KAZN: variants seen among roughly 807,000 people sequenced by gnomAD.
The protein encoded by KAZN is kazrin, periplakin interacting protein.
In KAZN, 40 loss-of-function variants were observed where a neutral mutation model predicts 87.4. That is an observed-to-expected ratio of 0.46 (90% CI 0.36 to 0.60). The LOEUF is 0.60. Among genes scored for constraint, KAZN ranks in the 20% least tolerant of loss-of-function variants. The pLI is 0.00. For synonymous variants in KAZN, 466 were observed against 458.3 expected, an observed-to-expected ratio of 1.02 and a Z score of -0.22; for missense variants, 898 against 1,073.9, an observed-to-expected ratio of 0.84 and a Z score of 2.29.
chr1:13,907,928 C>T (rs1011006819), intron 1 of KAZN, among the ~76,000 whole-genome samples: 1 of 152,200 alleles, frequency 6.6e-6, no homozygotes, highest in Non-Finnish European at 1.5e-5. Context: ...TTGTCCTAAA[C>T]AAGAGCTGAT....
intron 1 of KAZN, among the ~76,000 whole-genome samples, chr1:14,673,242 C>T (rs1007959436): frequency 2.0e-5 from 3 of 152,228 alleles, no homozygotes; most frequent in African/African-American, 7.2e-5. Context: ...ACCAGCCCCC[C>T]TCTTCCAGTC....
At chr1:14,761,252 C>G (rs1451486268) in intron 1 of KAZN, among the ~76,000 whole-genome samples, 4 of 152,190 alleles carry the variant, frequency 2.6e-5, no homozygotes, top group African/African-American at 9.6e-5. Flanking sequence ...TTGCTGGCTC[C>G]TGCTCATCAC....
chr1:14,549,006 T>C (rs1673340327), intron 2 of KAZN, among the ~76,000 whole-genome samples: 1 of 152,260 alleles, frequency 6.6e-6, no homozygotes, highest in South Asian at 2.1e-4. Flanking sequence ...ACTTAGTTTA[T>C]TCCTAGACAC....
intron 2 of KAZN, among the ~76,000 whole-genome samples, chr1:14,434,977 T>A (rs1023918474): frequency 1.3e-5 from 2 of 152,172 alleles, no homozygotes; most frequent in South Asian, 4.2e-4. Flanking sequence ...GAGACGCAGG[T>A]GTGTACGAGG....
At chr1:14,217,521 A>T (rs1011541220) in intron 2 of KAZN, among the ~76,000 whole-genome samples, 4 of 152,056 alleles carry the variant, frequency 2.6e-5, no homozygotes, top group African/African-American at 7.2e-5. Flanking sequence ...AAAAATGGAA[A>T]TTTTTTTAAG....
chr1:14,780,641 A>G (rs981097359), intron 1 of KAZN, among the ~76,000 whole-genome samples: 1 of 152,228 alleles, frequency 6.6e-6, no homozygotes, highest in Non-Finnish European at 1.5e-5. Flanking sequence ...GCATTTCACA[A>G]TTAAGACAAA....
intron 1 of KAZN, among the ~76,000 whole-genome samples, chr1:14,165,170 G>A (rs1411430774): frequency 6.6e-6 from 1 of 151,740 alleles, no homozygotes; most frequent in African/African-American, 2.4e-5. Flanking sequence ...CCTAAAATGT[G>A]AGCTATGGCT....
At chr1:14,964,564 A>G (rs373930731) in intron 2 of KAZN, among the ~76,000 whole-genome samples, 1 of 152,184 alleles carries the variant, frequency 6.6e-6, no homozygotes, top group African/African-American at 2.4e-5. Context: ...GCACATGGTG[A>G]GTAAATTGCA....
chr1:14,780,058 G>A (rs1645287478), intron 1 of KAZN, among the ~76,000 whole-genome samples: 1 of 152,208 alleles, frequency 6.6e-6, no homozygotes, highest in Non-Finnish European at 1.5e-5. Flanking sequence ...GGTATGTCTT[G>A]ATATGATCCC....
chr1:14,094,213 C>T (rs1474656158), intron 1 of KAZN, among the ~76,000 whole-genome samples: 1 of 151,822 alleles, frequency 6.6e-6, no homozygotes, highest in East Asian at 1.9e-4. Context: ...TCTGATGCTG[C>T]TTCTGAGGCC....
intron 14 of KAZN, 38 bp downstream of exon 14, chr1:15,112,579 A>G: frequency 1.7e-6 from 1 of 572,410 alleles, no homozygotes; most frequent in Non-Finnish European, 2.6e-6. Flanking sequence ...AGTCCTGCAG[A>G]CCCGGGAAAG....
intron 1 of KAZN, among the ~76,000 whole-genome samples, chr1:14,806,788 G>C (rs1230016559): frequency 6.6e-6 from 1 of 152,206 alleles, no homozygotes; most frequent in Non-Finnish European, 1.5e-5. Context: ...AAGGTTTGGA[G>C]CCACTGGACT....
intron 2 of KAZN, among the ~76,000 whole-genome samples, chr1:15,022,868 C>T (rs1485609467): frequency 6.6e-6 from 1 of 152,200 alleles, no homozygotes; most frequent in Non-Finnish European, 1.5e-5. Context: ...GGTCCTGGGT[C>T]CCTCAGCTGG....
rs1553201087 is a variant in KAZN at position 14,638,581 on chromosome 1, A to AAAAAACAAAAAC, written c.226+39363_226+39364insCAAAAACAAAAA. Among the ~76,000 whole-genome samples, 155 of 39,646 alleles carry AAAAAACAAAAAC rather than the reference A, an allele frequency of 3.9e-3. 1 individual carries two copies. Among genetic ancestry groups the AAAAAACAAAAAC allele is most frequent in the African/African-American group, 0.014 (150 of 10,904 alleles). The allele number at this position is 39,646 out of a possible 152,430, so 26.0% of individuals were successfully genotyped here. The stretch of plus-strand genomic sequence containing the variant: ...AAGACTCCGTCTCAAAAAAAAAACA[A>AAAAAACAAAAAC]AAAAAAAAAAACAAAAAGGGTTGTC... On this transcript the variant is annotated intron_variant, in intron 1 of 14. Coordinates refer to ENST00000376030, the MANE Select transcript of KAZN (RefSeq NM_201628.3).
At chr1:14,499,602 C>T (rs1670134023) in intron 2 of KAZN, among the ~76,000 whole-genome samples, 1 of 152,192 alleles carries the variant, frequency 6.6e-6, no homozygotes, top group Admixed American at 6.5e-5. Flanking sequence ...TTTCAGACCC[C>T]TCCCAAGCAA....
In KAZN at chr1:14,781,249, G is replaced by T. The variant is rs1302308619; in HGVS notation, c.227-179435G>T. On this transcript the variant is annotated intron_variant, in intron 1 of 14. Transcript: ENST00000376030. The stretch of plus-strand genomic sequence containing the variant: ...AGGCAGGAGAATGGCGTGAACCCAG[G>T]AGGCGGAGCTTGCAGTGAGCCGAGA... Among the ~76,000 whole-genome samples, 3 of 152,350 alleles carry T rather than the reference G, an allele frequency of 2.0e-5. No individual in the cohort carries two copies. In the East Asian group the frequency reaches 5.8e-4, roughly 29 times the overall value.
chr1:15,075,913 T>C (rs1639719040), intron 8 of KAZN, among the ~76,000 whole-genome samples: 1 of 152,226 alleles, frequency 6.6e-6, no homozygotes, highest in Non-Finnish European at 1.5e-5. Flanking sequence ...CCACCTGCCC[T>C]CCAGAGCACT....
At chr1:14,355,951 T>A (rs1571376770) in intron 2 of KAZN, among the ~76,000 whole-genome samples, 1 of 152,314 alleles carries the variant, frequency 6.6e-6, no homozygotes, top group East Asian at 1.9e-4. Context: ...TACCCAGTAA[T>A]GGGATTGCTG....
intron 1 of KAZN, among the ~76,000 whole-genome samples, chr1:13,975,130 C>G (rs980884153): frequency 2.0e-5 from 3 of 152,132 alleles, no homozygotes; most frequent in Non-Finnish European, 2.9e-5. Context: ...ACGTTGAGAG[C>G]CTACAGTAGG....
Sources: gnomAD v4.1 joint callset for allele counts (sites outside exome capture counted in the v4.1 genomes callset) on GRCh38, gnomAD v4.1.1 for gene constraint, MANE v1.5 for transcripts, NCBI Gene and HGNC (gene_info 2026-07-23, HGNC 2026-07-21) for gene names.